FRG1: variants seen among roughly 807,000 people sequenced by gnomAD.
FRG1 encodes the protein FSHD region gene 1.
FRG1 carries 19 observed loss-of-function variants against 37.0 expected under a neutral mutation model. The ratio of observed to expected loss-of-function variants is 0.51; its 90% CI spans 0.36 to 0.75. FRG1 has a LOEUF of 0.75. Among genes scored for constraint, FRG1 ranks in the 30% least tolerant of loss-of-function variants. The pLI, the probability that FRG1 is intolerant of heterozygous loss-of-function variation, is 0.00. For missense variants in FRG1, 243 were observed against 301.4 expected (o/e 0.81, Z 1.44); for synonymous variants, 73 against 96.5 (o/e 0.76, Z 1.43).
intron 7 of FRG1, 110 bp from the exon 8 acceptor site, chr4:189,961,712 A>G (rs1220183135): frequency 3.4e-6 from 2 of 585,600 alleles, no homozygotes; most frequent in Admixed American, 3.3e-5. Context: ...CTGGCCTACA[A>G]TTAGACTTTT....
chr4:189,951,316 C>T (rs1236246792), intron 2 of FRG1, among the ~76,000 whole-genome samples: 2 of 151,822 alleles, frequency 1.3e-5, no homozygotes, highest in Non-Finnish European at 2.9e-5. Flanking sequence ...GGTGAAACCC[C>T]GTGTCTACTA....
chr4:189,950,340 C>A (rs200915627), intron 2 of FRG1, among the ~76,000 whole-genome samples: 2 of 147,760 alleles, frequency 1.4e-5, no homozygotes, highest in East Asian at 4.0e-4. Flanking sequence ...CTGTTGATGG[C>A]GGTTCTTGAT....
chr4:189,958,042 A>AT (rs902113938), intron 6 of FRG1, among the ~76,000 whole-genome samples: 58 of 146,484 alleles, frequency 4.0e-4, no homozygotes, highest in Non-Finnish European at 5.3e-4. Flanking sequence ...CTAGACTTCA[A>AT]TTTTTTTTTT....
chr4:189,940,894 G>A lies in FRG1; in HGVS notation c.-116G>A. On this transcript the variant is annotated 5_prime_UTR_variant, in exon 1 of 9. Coordinates refer to ENST00000226798, the MANE Select transcript of FRG1 (RefSeq NM_004477.3). ...GGCGGGTTCTACAGAGACGTAGGCT[G>A]TCAGGGAGTGTTTATTTCGCGTCCG... 1 of 731,490 alleles carries A rather than the reference G, an allele frequency of 1.4e-6. No homozygotes were observed. Among genetic ancestry groups the A allele is most frequent in the South Asian group, 1.7e-5 (1 of 59,284 alleles). 45.3% of individuals were successfully genotyped at this position (731,490 alleles called of 1,614,324 possible). A position where few individuals can be genotyped will look rare whatever the true frequency, so the allele number is the denominator to read the frequency against.
intron 2 of FRG1, among the ~76,000 whole-genome samples, chr4:189,945,681 AT>A (rs2126800891): frequency 6.6e-6 from 1 of 151,834 alleles, no homozygotes; most frequent in East Asian, 1.9e-4. Context: ...AGATTTCTAT[AT>A]TGGTGTTGAT....
At chr4:189,946,952 A>G (rs1366714397) in intron 2 of FRG1, among the ~76,000 whole-genome samples, 1 of 152,142 alleles carries the variant, frequency 6.6e-6, no homozygotes, top group Non-Finnish European at 1.5e-5. Context: ...TCCCAGGTTC[A>G]AGTGAATCTC....
chr4:189,941,635 TATCTG>T (rs1254961485), intron 1 of FRG1, among the ~76,000 whole-genome samples: 1 of 152,204 alleles, frequency 6.6e-6, no homozygotes, highest in African/African-American at 2.4e-5. Flanking sequence ...AGAGATCAAA[TATCTG>T]AACCTCCGTT....
Position 189,940,905 on chromosome 4 carries a change from T to C in FRG1, c.-105T>C. 1 of 824,928 alleles carries C rather than the reference T, an allele frequency of 1.2e-6. No individual in the cohort carries two copies. The highest frequency in any genetic ancestry group is 2.7e-5 in the East Asian group (1 of 37,522). The allele number at this position is 824,928 out of a possible 1,614,324, so 51.1% of individuals were successfully genotyped here. Reference sequence around the variant, plus strand: ...CAGAGACGTAGGCTGTCAGGGAGTGTTTATTTCGCGTCCGCTTCTGTTTCT... The same window carrying C: ...CAGAGACGTAGGCTGTCAGGGAGTGCTTATTTCGCGTCCGCTTCTGTTTCT... On this transcript the variant is annotated 5_prime_UTR_variant, in exon 1 of 9. Transcript: ENST00000226798.
At chr4:189,946,525 T>C (rs555383896) in intron 2 of FRG1, among the ~76,000 whole-genome samples, 67 of 152,256 alleles carry the variant, frequency 4.4e-4, no homozygotes, top group African/African-American at 1.5e-3. Flanking sequence ...TCAGTTTACT[T>C]TGCTCTTGTT....
chr4:189,958,432 T>C (rs1737082738), intron 6 of FRG1, among the ~76,000 whole-genome samples: 1 of 152,234 alleles, frequency 6.6e-6, no homozygotes. Context: ...TCTGGGGCCT[T>C]AGCCCTCAGA....
intron 1 of FRG1, chr4:189,941,878 C>A (rs779990040): frequency 4.5e-6 from 2 of 440,816 alleles, no homozygotes; most frequent in Non-Finnish European, 9.1e-6. Context: ...CTCCTGGTCT[C>A]CGTGATAAAC....
intron 7 of FRG1, 64 bp from the exon 8 acceptor site, chr4:189,961,758 T>C: frequency 4.2e-6 from 3 of 716,144 alleles, no homozygotes; most frequent in Non-Finnish European, 7.2e-6. Context: ...TATTTATAAA[T>C]TTAATAGTAA....
chr4:189,948,570 C>G (rs956848081), intron 2 of FRG1, among the ~76,000 whole-genome samples: 1 of 152,140 alleles, frequency 6.6e-6, no homozygotes, highest in Non-Finnish European at 1.5e-5. Flanking sequence ...TAAGGGGGCC[C>G]TTAGCACGGA....
chr4:189,953,464 A>C (rs542647920), intron 4 of FRG1, among the ~76,000 whole-genome samples: 2 of 152,226 alleles, frequency 1.3e-5, no homozygotes, highest in South Asian at 4.1e-4. Flanking sequence ...CAGGAAGACT[A>C]AAAAAAGGAA....
intron 2 of FRG1, among the ~76,000 whole-genome samples, chr4:189,948,584 A>C (rs1329263242): frequency 2.0e-5 from 3 of 152,198 alleles, no homozygotes; most frequent in Non-Finnish European, 4.4e-5. Flanking sequence ...GCACGGAAGC[A>C]CTGGGTTAGT....
intron 1 of FRG1, 96 bp from the exon 2 acceptor site, chr4:189,943,106 A>T: frequency 7.5e-7 from 1 of 1,327,976 alleles, no homozygotes; most frequent in Non-Finnish European, 1.0e-6. Context: ...TAATTTATAA[A>T]TGAAACAGCT....
rs1561070719 is a variant in FRG1 at position 189,952,314 on chromosome 4, C to A, written c.259+27C>A. 3 of 1,603,708 alleles carry A rather than the reference C, an allele frequency of 1.9e-6. No individual in the cohort carries two copies. The East Asian group carries it at 6.7e-5, about 36-fold the overall frequency. On this transcript the variant is annotated intron_variant, in intron 3 of 8. Transcript: ENST00000226798. ...TTTGTGTCTGGAAGGGAAGAGGCTG[C>A]CACAAGTGTAGATTTTAGGACATTC...
chr4:189,949,165 A>G lies in FRG1; in HGVS notation c.134-2997A>G, dbSNP rs573440992. On this transcript the variant is annotated intron_variant, in intron 2 of 8. Transcript: ENST00000226798. ...TAAATTCAGCTTGGGCATCTGCACC[A>G]TATACACAGCTTGAGCTGTCACCTG... Among the ~76,000 whole-genome samples the G allele has an allele frequency of 3.9e-5, 6 of 152,344 alleles. 1 individual carries two copies. Among genetic ancestry groups the G allele is most frequent in the African/African-American group, 1.2e-4 (5 of 41,590 alleles).
At chr4:189,948,184 G>GA (rs111938936) in intron 2 of FRG1, among the ~76,000 whole-genome samples, 4 of 145,770 alleles carry the variant, frequency 2.7e-5, no homozygotes. Flanking sequence ...TGAAGGGAAA[G>GA]AAAAAAAACC....
Sources: allele counts gnomAD v4.1 joint callset (sites outside exome capture counted in the v4.1 genomes callset), GRCh38; gene constraint gnomAD v4.1.1; transcripts MANE v1.5; gene names NCBI Gene and HGNC (gene_info 2026-07-23, HGNC 2026-07-21).